MFHAS1: variants seen among roughly 807,000 people sequenced by gnomAD.
MFHAS1 encodes malignant fibrous histiocytoma-amplified sequence 1.
Under a neutral mutation model 70.4 loss-of-function variants are expected in MFHAS1, and 50 were observed. The observed-to-expected ratio is 0.71, with a 90% CI of 0.57 to 0.90. MFHAS1 has a LOEUF of 0.90. Among genes scored for constraint, MFHAS1 ranks in the 40% least tolerant of loss-of-function variants. MFHAS1 has a pLI of 0.00. For missense variants in MFHAS1, 1,795 were observed against 1,347.6 expected, an observed-to-expected ratio of 1.33 and a Z score of -5.20; for synonymous variants, 952 against 620.0, an observed-to-expected ratio of 1.54 and a Z score of -7.96.
chr8:8,835,969 G>C (rs959479085), intron 1 of MFHAS1, among the ~76,000 whole-genome samples: 1 of 152,234 alleles, frequency 6.6e-6, no homozygotes, highest in Non-Finnish European at 1.5e-5. Flanking sequence ...AGTGGCACAG[G>C]TAGGTGGTTG....
chr8:8,873,468 T>C (rs1240193086), intron 1 of MFHAS1, among the ~76,000 whole-genome samples: 2 of 124,230 alleles, frequency 1.6e-5, no homozygotes, highest in Admixed American at 1.1e-4. Flanking sequence ...CAGGATTTAA[T>C]TGCTTACTTT....
chr8:8,855,102 C>A (rs1481117739), intron 1 of MFHAS1, among the ~76,000 whole-genome samples: 1 of 152,032 alleles, frequency 6.6e-6, no homozygotes, highest in African/African-American at 2.4e-5. Flanking sequence ...AGGGCCCCCA[C>A]CCCCAGCATA....
intron 1 of MFHAS1, among the ~76,000 whole-genome samples, chr8:8,836,735 T>C (rs1305497376): frequency 6.6e-6 from 1 of 152,210 alleles, no homozygotes; most frequent in African/African-American, 2.4e-5. Context: ...ATCCATGAAC[T>C]CAAGGTTGGG....
chr8:8,880,268 C>T (rs1446091281), intron 1 of MFHAS1, among the ~76,000 whole-genome samples: 1 of 152,206 alleles, frequency 6.6e-6, no homozygotes, highest in Non-Finnish European at 1.5e-5. Context: ...AGTCACTTGG[C>T]CCCAGGAAGA....
At chr8:8,857,082 G>C (rs1288182745) in intron 1 of MFHAS1, among the ~76,000 whole-genome samples, 1 of 150,316 alleles carries the variant, frequency 6.7e-6, no homozygotes, top group East Asian at 1.9e-4. Flanking sequence ...ACATCCTAGA[G>C]AGGCACTGCC....
At chr8:8,804,889 C>T (rs926863262) in intron 1 of MFHAS1, among the ~76,000 whole-genome samples, 1 of 152,230 alleles carries the variant, frequency 6.6e-6, no homozygotes, top group African/African-American at 2.4e-5. Flanking sequence ...TTTAGCCCAA[C>T]TCCTGGCAGA....
At chr8:8,830,239 A>C (rs1807333530) in intron 1 of MFHAS1, among the ~76,000 whole-genome samples, 1 of 152,198 alleles carries the variant, frequency 6.6e-6, no homozygotes, top group South Asian at 2.1e-4. Flanking sequence ...AAAAGGCTCA[A>C]GGAAGAAATG....
At chr8:8,801,499 C>A (rs143439943) in intron 1 of MFHAS1, among the ~76,000 whole-genome samples, 1 of 152,172 alleles carries the variant, frequency 6.6e-6, no homozygotes, top group African/African-American at 2.4e-5. Context: ...ACCTACTACG[C>A]GGTGCCAGTA....
intron 1 of MFHAS1, among the ~76,000 whole-genome samples, chr8:8,809,825 G>T (rs923899764): frequency 6.6e-6 from 1 of 152,138 alleles, no homozygotes; most frequent in African/African-American, 2.4e-5. Context: ...CTTTCAAAAG[G>T]TTACTCTTTA....
chr8:8,824,521 TCACA>T (rs57194505), intron 1 of MFHAS1, among the ~76,000 whole-genome samples: 5,530 of 145,830 alleles, frequency 0.038, 211 homozygotes, highest in African/African-American at 0.1. Context: ...TCTCTCTCTT[TCACA>T]CACACACACA....
intron 1 of MFHAS1, among the ~76,000 whole-genome samples, chr8:8,798,169 A>G (rs936088598): frequency 6.6e-6 from 1 of 152,216 alleles, no homozygotes. Context: ...CTCTTCAACT[A>G]GATCATTACA....
At chr8:8,833,185 G>A (rs892248567) in intron 1 of MFHAS1, among the ~76,000 whole-genome samples, 1 of 152,100 alleles carries the variant, frequency 6.6e-6, no homozygotes, top group Non-Finnish European at 1.5e-5. Flanking sequence ...CACCATTAGA[G>A]ACCACCCCCT....
At chr8:8,806,838 G>C (rs568299865) in intron 1 of MFHAS1, among the ~76,000 whole-genome samples, 1 of 152,040 alleles carries the variant, frequency 6.6e-6, no homozygotes, top group South Asian at 2.1e-4. Flanking sequence ...GTACACATCT[G>C]TAATCCCAGC....
chr8:8,791,872 G>A (rs1360626417), intron 2 of MFHAS1, among the ~76,000 whole-genome samples: 2 of 152,166 alleles, frequency 1.3e-5, no homozygotes, highest in Non-Finnish European at 2.9e-5. Flanking sequence ...GGGGCTGGCA[G>A]TGGCAGGAGC....
intron 1 of MFHAS1, among the ~76,000 whole-genome samples, chr8:8,850,268 T>C (rs1230997541): frequency 6.6e-6 from 1 of 152,228 alleles, no homozygotes; most frequent in Non-Finnish European, 1.5e-5. Context: ...TCTCTTTCAT[T>C]CATTAAAATG....
chr8:8,811,547 G>C (rs1251765567), intron 1 of MFHAS1, among the ~76,000 whole-genome samples: 2 of 152,248 alleles, frequency 1.3e-5, no homozygotes, highest in African/African-American at 4.8e-5. Context: ...TAAAGTGCTG[G>C]GATTACCGGC....
At chr8:8,872,609 A>G (rs1809119823) in intron 1 of MFHAS1, among the ~76,000 whole-genome samples, 1 of 152,184 alleles carries the variant, frequency 6.6e-6, no homozygotes, top group Non-Finnish European at 1.5e-5. Context: ...GCTCAGATGC[A>G]TAGGCTCGGA....
At chr8:8,873,441 C>T (rs1434012556) in intron 1 of MFHAS1, among the ~76,000 whole-genome samples, 1 of 151,090 alleles carries the variant, frequency 6.6e-6, no homozygotes. Context: ...ATGTTTTAAA[C>T]ACAGAAGCAA....
intron 1 of MFHAS1, among the ~76,000 whole-genome samples, chr8:8,819,845 C>T (rs993273779): frequency 4.1e-4 from 62 of 151,930 alleles, no homozygotes; most frequent in Admixed American, 7.2e-4. Context: ...ACCACAGGTG[C>T]GCACCACCAT....
Sources: gnomAD v4.1 joint callset for allele counts (sites outside exome capture counted in the v4.1 genomes callset) on GRCh38, gnomAD v4.1.1 for gene constraint, MANE v1.5 for transcripts, NCBI Gene and HGNC (gene_info 2026-07-23, HGNC 2026-07-21) for gene names.